PDXDC1: variants seen among roughly 807,000 people sequenced by gnomAD.
The protein encoded by PDXDC1 is pyridoxal-dependent decarboxylase domain-containing protein 1.
PDXDC1 carries 42 observed loss-of-function variants against 100.1 expected under a neutral mutation model. That is an observed-to-expected ratio of 0.42 (90% CI 0.33 to 0.54). The LOEUF (loss-of-function observed/expected upper bound fraction) is 0.54. PDXDC1 is among the 20% of genes least tolerant of loss of function. The probability of loss-of-function intolerance (pLI) is 0.10; values close to 1 mark genes in which losing one functional copy is unlikely to be tolerated. For synonymous variants in PDXDC1, 260 were observed against 371.7 expected (o/e 0.70, Z 3.46); for missense variants, 636 against 979.2 (o/e 0.65, Z 4.68).
chr16:14,993,723 C>G (rs1409125093), intron 1 of PDXDC1, among the ~76,000 whole-genome samples: 1 of 152,304 alleles, frequency 6.6e-6, no homozygotes, highest in Non-Finnish European at 1.5e-5. Flanking sequence ...GCCACACTGA[C>G]TTCCACAATG....
At position 15,035,511 on chromosome 16, in the gene PDXDC1, C is replaced by T. The variant is rs995682288; in HGVS notation, c.2065C>T (p.Pro689Ser). ...AGCACAAGGTGCAGGAGTCACGCTGCCTCCAACGCCCTCGGGCAGTCGCAC... is the reference window on the plus strand; with the variant it reads ...AGCACAAGGTGCAGGAGTCACGCTGTCTCCAACGCCCTCGGGCAGTCGCAC... ...YKAQGAGVTL[P>S]PTPSGSRTKQ... The change falls in exon 22 of 23, where the codon CCT becomes TCT. Residue 689 changes from proline to serine, a missense_variant. Pro to Ser is a moderately conservative substitution (Grantham distance 74). Transcript: ENST00000396410. 21 of 1,612,470 alleles carry T rather than the reference C, an allele frequency of 1.3e-5. No individual in the cohort carries two copies. Among genetic ancestry groups the T allele is most frequent in the Non-Finnish European group, 1.7e-5 (20 of 1,179,408 alleles).
chr16:15,034,055 T>C, intron 19 of PDXDC1: 1 of 585,008 alleles, frequency 1.7e-6, no homozygotes, highest in East Asian at 2.8e-5. Flanking sequence ...ATGACTTCTC[T>C]GTTTTCAAGA....
chr16:15,069,184 C>T (rs1166080474), intron 16 of PDXDC1, among the ~76,000 whole-genome samples: 4 of 152,124 alleles, frequency 2.6e-5, no homozygotes, highest in African/African-American at 7.2e-5. Context: ...GCAGAGGACA[C>T]CTGGCAGTAT....
chr16:15,054,751 G>A (rs745743007), intron 16 of PDXDC1, among the ~76,000 whole-genome samples: 13 of 152,112 alleles, frequency 8.5e-5, no homozygotes, highest in South Asian at 4.1e-4. Flanking sequence ...GCCAGGGACC[G>A]TCCTACACTC....
intron 16 of PDXDC1, among the ~76,000 whole-genome samples, chr16:15,071,761 C>T (rs1373084924): frequency 6.6e-6 from 1 of 152,032 alleles, no homozygotes; most frequent in African/African-American, 2.4e-5. Context: ...GAGTGAGACT[C>T]CATCTCAAAA....
chr16:15,137,322 C>T (rs1406028367), intron 16 of PDXDC1: 29 of 1,336,262 alleles, frequency 2.2e-5, no homozygotes, highest in African/African-American at 2.9e-5. Context: ...GGCGGGGGGC[C>T]GGAGCAGAGG....
Position 15,006,531 on chromosome 16 carries a change from T to C in PDXDC1, c.527T>C (p.Ile176Thr). ...FNVLYNKKPV[I>T]YLSAAARPGL... is the part of the protein sequence containing the mutation. ...GTGTTATATAACAAGAAGCCTGTCA[T>C]ATATCTTAGTGCTGCTGCTAGACCT... The change falls in exon 6 of 23, where the codon ATA becomes ACA. Residue 176 changes from isoleucine to threonine, a missense_variant. Around this residue, in one of 4 missense-constraint regions of PDXDC1, gnomAD observed 125 missense variants for 479.9 expected, o/e 0.26. Coordinates refer to ENST00000396410, the MANE Select transcript of PDXDC1 (RefSeq NM_015027.4). 2 of 1,604,958 alleles carry C rather than the reference T, an allele frequency of 1.2e-6. No individual in the cohort carries two copies. The highest frequency in any genetic ancestry group is 1.7e-6 in the Non-Finnish European group (2 of 1,173,176).
intron 1 of PDXDC1, among the ~76,000 whole-genome samples, chr16:14,980,177 C>G (rs1967635449): frequency 6.6e-6 from 1 of 152,280 alleles, no homozygotes; most frequent in Non-Finnish European, 1.5e-5. Flanking sequence ...AGTGGCAGAG[C>G]TATTGATGGT....
intron 16 of PDXDC1, among the ~76,000 whole-genome samples, chr16:15,056,289 C>G (rs1327202293): frequency 6.6e-6 from 1 of 152,188 alleles, no homozygotes; most frequent in South Asian, 2.1e-4. Context: ...AGTGAAGGAG[C>G]GGGGAAAGGA....
intron 16 of PDXDC1, chr16:15,134,138 C>T (rs1183181955): frequency 2.4e-6 from 3 of 1,263,464 alleles, no homozygotes; most frequent in East Asian, 4.9e-5. Context: ...CTTCTGCCTG[C>T]AGGCCCCGTC....
chr16:15,125,145 C>CT (rs1447309244), intron 16 of PDXDC1: 1 of 444,704 alleles, frequency 2.2e-6, no homozygotes, highest in African/African-American at 3.0e-5. Context: ...GAATGAGACT[C>CT]TGTCTCAAAA....
At chr16:15,038,398 G>A (rs771881455), downstream of PDXDC1, 175 of 623,592 alleles carry the variant, frequency 2.8e-4, 1 homozygote, top group Non-Finnish European at 4.2e-4. Flanking sequence ...TTTCCATCTA[G>A]GACTTGACAT....
At position 15,035,477 on chromosome 16, in the gene PDXDC1, T is replaced by C; in HGVS notation, c.2031T>C (p.Tyr677=). Residue 677 remains tyrosine, a synonymous_variant, in exon 22 of 23, where the codon TAT becomes TAC. Transcript: ENST00000396410. ...CTCTGGAGTCCACAGAACCCATATA[T>C]GTCTACAAAGCACAAGGTGCAGGAG... ...AGSLESTEPI[Y]VYKAQGAGVT... 6.2e-7 allele frequency: 1 copy of C among 1,611,500 alleles called. No homozygotes were observed. Among genetic ancestry groups the C allele is most frequent in the Non-Finnish European group, 8.5e-7 (1 of 1,179,072 alleles).
At chr16:15,058,878 T>C (rs1472236421) in intron 16 of PDXDC1, among the ~76,000 whole-genome samples, 1 of 152,204 alleles carries the variant, frequency 6.6e-6, no homozygotes, top group Non-Finnish European at 1.5e-5. Flanking sequence ...CAAGAGATCC[T>C]TTTGCTGGCC....
chr16:15,050,856 G>A (rs765376003), intron 16 of PDXDC1, among the ~76,000 whole-genome samples: 1 of 152,182 alleles, frequency 6.6e-6, no homozygotes, highest in Non-Finnish European at 1.5e-5. Flanking sequence ...AGGTATCAAT[G>A]AAAATGAGAC....
intron 16 of PDXDC1, chr16:15,047,812 G>C (rs369173156): frequency 3.4e-6 from 5 of 1,467,390 alleles, no homozygotes; most frequent in Middle Eastern, 1.8e-4. Flanking sequence ...CCCAAAGGTT[G>C]GGTCAGTTTA....
chr16:15,144,322 G>A (rs908370979), downstream of PDXDC1, among the ~76,000 whole-genome samples: 9 of 152,332 alleles, frequency 5.9e-5, no homozygotes, highest in East Asian at 3.9e-4. Context: ...AGAGTGAGGC[G>A]GCTTCCAGGG....
chr16:14,990,021 A>AGGCCGCC, intron 1 of PDXDC1: 1 of 1,475,372 alleles, frequency 6.8e-7, no homozygotes, highest in Non-Finnish European at 8.9e-7. Context: ...AAGCAGGTGC[A>AGGCCGCC]GGCCGCCCGC....
intron 13 of PDXDC1, 145 bp downstream of exon 13, chr16:15,022,899 GAAACAAAAAACAA>G: frequency 1.3e-6 from 1 of 741,222 alleles, no homozygotes; most frequent in South Asian, 2.1e-5. Context: ...ACAAAAAAAC[GAAACAAAAAACAA>G]AAACAAAAAA....
Sources: gnomAD v4.1 joint callset for allele counts (sites outside exome capture counted in the v4.1 genomes callset) on GRCh38, gnomAD v4.1.1 for gene constraint, gnomAD v4.1.1 regional missense constraint, MANE v1.5 for transcripts, NCBI Gene and HGNC (gene_info 2026-07-23, HGNC 2026-07-21) for gene names.